Variants in PALM observed in about 807,000 individuals in gnomAD.
PALM encodes paralemmin-1.
In PALM, 18 loss-of-function variants were observed where a neutral mutation model predicts 30.7. That is an observed-to-expected ratio of 0.59 (90% confidence interval 0.41 to 0.87). PALM has a LOEUF of 0.87. PALM is among the 40% of genes least tolerant of loss of function. PALM has a pLI of 0.00. For missense variants in PALM, 529 were observed against 555.4 expected (o/e 0.95, Z 0.48); for synonymous variants, 286 against 242.8 (o/e 1.18, Z -1.66).
intron 7 of PALM, among the ~76,000 whole-genome samples, chr19:738,263 A>AGG (rs1307942838): frequency 2.6e-5 from 4 of 152,088 alleles, no homozygotes; most frequent in Admixed American, 6.6e-5. Flanking sequence ...GTGGTGGCTC[A>AGG]CCCCTGTAAT....
At position 736,031 on chromosome 19, in the gene PALM, C is replaced by T. The variant is rs768543258; in HGVS notation, c.455C>T (p.Ser152Phe). 3.1e-6 allele frequency: 5 copies of T among 1,610,506 alleles called. No homozygotes were observed. The South Asian group carries it at 5.5e-5, about 18-fold the overall frequency. The part of the protein sequence containing the change: ...PVGTPKDKRV[S>F]NTPLRTVDGS... ...ACCTCCCGTGCAGACAAGCGAGTCTCCAACACGCCCCTGAGGACGGTTGAC... is the reference window on the plus strand; with the variant it reads ...ACCTCCCGTGCAGACAAGCGAGTCTTCAACACGCCCCTGAGGACGGTTGAC... Residue 152 changes from serine to phenylalanine, a missense_variant, in exon 7 of 9, where the codon TCC (serine) becomes TTC (phenylalanine). By Grantham distance (155) the Ser-to-Phe change is radical (BLOSUM62 -2). Transcript: ENST00000338448.
chr19:727,481 G>A (rs2032723920), intron 3 of PALM, 83 bp from the exon 4 acceptor site: 2 of 1,189,694 alleles, frequency 1.7e-6, no homozygotes, highest in Non-Finnish European at 2.4e-6. Context: ...CCCCGACCCT[G>A]ATCCTGACCC....
intron 8 of PALM, among the ~76,000 whole-genome samples, chr19:741,738 G>A (rs2033202502): frequency 6.6e-6 from 1 of 152,182 alleles, no homozygotes; most frequent in Admixed American, 6.5e-5. Flanking sequence ...GGTTTTAAGG[G>A]CTCCTCCTAG....
chr19:731,191 C>A lies in PALM; in HGVS notation c.366C>A (p.Ala122=). The A allele has an allele frequency of 6.2e-7, 1 of 1,611,312 alleles. No homozygotes were observed. The highest frequency in any genetic ancestry group is 1.7e-4 in the Middle Eastern group (1 of 6,004). Residue 122 remains alanine, a synonymous_variant, in exon 5 of 9, where the codon GCC becomes GCA. Transcript: ENST00000338448. ...AAAPSPVRAP[A]PSPAKEERKT... ...CCCCGAGCCCAGTCCGGGCCCCAGC[C>A]CCGAGTCCAGCCAAGGAGGAGCGCA...
rs1380744916 is a variant in PALM, at chr19:740,424, C to T, written c.575C>T (p.Thr192Met). ...GAGACCAGGGTGCTGTCCAGCACCACGCTGCTCCCTCGGCAGCCGCTCCCT... is the reference window on the plus strand; with the variant it reads ...GAGACCAGGGTGCTGTCCAGCACCATGCTGCTCCCTCGGCAGCCGCTCCCT... ...TGETRVLSST[T>M]LLPRQPLPLG... Residue 192 changes from threonine (T) to methionine (M), a missense_variant, in exon 8 of 9, where the codon ACG (threonine) becomes ATG (methionine). Physicochemically the swap from Thr to Met is moderately conservative, Grantham distance 81 (BLOSUM62 -1). Coordinates refer to ENST00000338448, the MANE Select transcript of PALM (RefSeq NM_002579.3). The T allele has an allele frequency of 1.2e-5, 19 of 1,554,140 alleles. No individual in the cohort carries two copies. In the East Asian group the frequency reaches 1.5e-4, roughly 12 times the overall value.
At chr19:727,302 G>A (rs1162289767) in intron 3 of PALM, among the ~76,000 whole-genome samples, 25 of 104,384 alleles carry the variant, frequency 2.4e-4, no homozygotes, top group African/African-American at 8.3e-4. Context: ...CCCTGACCCC[G>A]ACCCTGACCC....
At chr19:716,284 G>A (rs1010569927) in intron 1 of PALM, among the ~76,000 whole-genome samples, 7 of 152,114 alleles carry the variant, frequency 4.6e-5, no homozygotes, top group Non-Finnish European at 1.0e-4. Context: ...ATGGTGGCAG[G>A]TGCCTGTAAT....
rs547107212 is a variant in PALM, at chr19:726,208, G to T, written c.57+19G>T. The T allele has an allele frequency of 6.2e-7, 1 of 1,610,260 alleles. No individual in the cohort carries two copies. Among genetic ancestry groups the T allele is most frequent in the Admixed American group, 1.7e-5 (1 of 59,962 alleles). On this transcript the variant is annotated intron_variant, in intron 2 of 8. Transcript: ENST00000338448. ...CATCGCAGTGAGTTTCCGCCGCCCC[G>T]CAGACGGTGTGGTCAGGGTGGGGAA...
At chr19:745,088 GATAATTGCTTGAACCTGGA>G (rs2033300685) in intron 8 of PALM, among the ~76,000 whole-genome samples, 1 of 152,240 alleles carries the variant, frequency 6.6e-6, no homozygotes, top group Non-Finnish European at 1.5e-5. Flanking sequence ...ACTGAGGCAG[GATAATTGCTTGAACCTGGA>G]AGGTGGAGGT....
At chr19:730,948 C>G in intron 4 of PALM, 147 bp from the exon 5 acceptor site, 1 of 573,882 alleles carries the variant, frequency 1.7e-6, no homozygotes. Context: ...TTGCAGCGAG[C>G]CAAGATCACG....
chr19:722,119 C>T (rs372913756), intron 1 of PALM, among the ~76,000 whole-genome samples: 54 of 150,680 alleles, frequency 3.6e-4, no homozygotes, highest in East Asian at 1.2e-3. Flanking sequence ...GGGGTTTCAC[C>T]GTGTTAGCCA....
At chr19:725,826 C>A (rs1321120217) in intron 1 of PALM, among the ~76,000 whole-genome samples, 1 of 152,090 alleles carries the variant, frequency 6.6e-6, no homozygotes, top group East Asian at 1.9e-4. Flanking sequence ...CTTCCTTCTT[C>A]CCGAAACACC....
intron 8 of PALM, among the ~76,000 whole-genome samples, chr19:741,914 A>G (rs1216677916): frequency 6.6e-6 from 1 of 152,152 alleles, no homozygotes; most frequent in Non-Finnish European, 1.5e-5. Context: ...CGATGCCATC[A>G]CAGCTCACTG....
intron 5 of PALM, among the ~76,000 whole-genome samples, chr19:733,022 G>A (rs889632335): frequency 1.1e-4 from 17 of 152,100 alleles, no homozygotes; most frequent in African/African-American, 3.9e-4. Flanking sequence ...TACCTCCTGG[G>A]TTCAAGTGAT....
At chr19:718,400 A>G (rs2032339023) in intron 1 of PALM, among the ~76,000 whole-genome samples, 1 of 152,094 alleles carries the variant, frequency 6.6e-6, no homozygotes, top group African/African-American at 2.4e-5. Context: ...GGGACGTCTC[A>G]GGAGTGTGGC....
At chr19:730,179 C>T (rs2032826736) in intron 4 of PALM, among the ~76,000 whole-genome samples, 2 of 149,774 alleles carry the variant, frequency 1.3e-5, no homozygotes, top group Non-Finnish European at 1.5e-5. Context: ...GGCTCCCAGA[C>T]ACCTCCTGCA....
At chr19:710,647 T>C (rs62131280) in intron 1 of PALM, among the ~76,000 whole-genome samples, 8,750 of 137,036 alleles carry the variant, frequency 0.064, 323 homozygotes, top group African/African-American at 0.11. Flanking sequence ...AGAGAGGAGC[T>C]GCTGCCCCCC....
intron 1 of PALM, chr19:719,125 G>A (rs2032367924): frequency 1.0e-6 from 1 of 985,366 alleles, no homozygotes; most frequent in Non-Finnish European, 1.2e-6. Context: ...GCCTGCCCGG[G>A]CAGGGACCCC....
In PALM at chr19:708,999, C is replaced by T. The variant is rs1182878611; in HGVS notation, c.-148C>T. On this transcript the variant is annotated 5_prime_UTR_variant, in exon 1 of 9. Transcript: ENST00000338448. ...CGGGGCGATGCCCGAGCCGGTGCCG[C>T]CGCCCCCGCGCCGCGCAGCCCCGGC... is the stretch of plus-strand genomic sequence containing the variant. 4 of 149,772 alleles carry T rather than the reference C, an allele frequency of 2.7e-5. No individual in the cohort carries two copies. The highest frequency in any genetic ancestry group is 5.9e-5 in the Non-Finnish European group (4 of 67,690). 9.3% of individuals were successfully genotyped at this position (149,772 alleles called of 1,614,324 possible). A position where few individuals can be genotyped will look rare whatever the true frequency, so the allele number is the denominator to read the frequency against.
Sources: gnomAD v4.1 joint callset for allele counts (sites outside exome capture counted in the v4.1 genomes callset) on GRCh38, gnomAD v4.1.1 for gene constraint, MANE v1.5 for transcripts, NCBI Gene and HGNC (gene_info 2026-07-23, HGNC 2026-07-21) for gene names.